ZFX: variants seen among roughly 807,000 people sequenced by gnomAD.
The protein encoded by ZFX is zinc finger X-chromosomal protein.
For synonymous variants in ZFX, 196 were observed against 226.8 expected (o/e 0.86, Z 1.22); for missense variants, 362 against 628.3 (o/e 0.58, Z 4.53).
chrX:24,175,734 A>G (rs768343386), intron 4 of ZFX, among the ~76,000 whole-genome samples: 17 of 111,126 alleles, frequency 1.5e-4, no homozygotes, highest in Admixed American at 1.9e-4. Flanking sequence ...GCAGACCACC[A>G]TGCCCGGCTA....
In ZFX at chrX:24,210,445, A is replaced by G; in HGVS notation, c.1487A>G (p.His496Arg). The G allele has an allele frequency of 8.3e-7, 1 of 1,212,042 alleles. No individual in the cohort carries two copies. Among genetic ancestry groups the G allele is most frequent in the Non-Finnish European group, 1.1e-6 (1 of 895,625 alleles). Residue 496 changes from histidine to arginine, a missense_variant, in exon 10 of 10, where the codon CAT becomes CGT. Transcript: ENST00000304543. ...ATTGAATGCGATGAGTGTGGGAAGCATTTCTCTCATGCAGGGGCTTTGTTT... is the reference window on the plus strand; with the variant it reads ...ATTGAATGCGATGAGTGTGGGAAGCGTTTCTCTCATGCAGGGGCTTTGTTT... ...KAIECDECGK[H>R]FSHAGALFTH...
At chrX:24,178,591 T>C (rs1318586502) in intron 4 of ZFX, among the ~76,000 whole-genome samples, 1 of 81,372 alleles carries the variant, frequency 1.2e-5, no homozygotes, top group East Asian at 4.9e-4. Context: ...GCCTGGCCTT[T>C]TTTTTTTTTT....
intron 5 of ZFX, among the ~76,000 whole-genome samples, chrX:24,184,379 C>T (rs1449839136): frequency 9.0e-6 from 1 of 111,581 alleles, no homozygotes; most frequent in African/African-American, 3.3e-5. Context: ...CTGTCTTCCT[C>T]AGCTTTTTTG....
intron 5 of ZFX, among the ~76,000 whole-genome samples, chrX:24,201,754 G>T (rs1278905935): frequency 8.9e-6 from 1 of 112,141 alleles, no homozygotes; most frequent in Non-Finnish European, 1.9e-5. Flanking sequence ...GTACATATCA[G>T]TCCAGAAGTA....
Position 24,213,063 on chromosome X carries a change from C to A in ZFX, c.*1687C>A, listed in dbSNP as rs5990038. 39,943 of 108,654 alleles carry A rather than the reference C, an allele frequency of 0.37. 5,594 individuals are homozygous for A. The highest frequency in any genetic ancestry group is 0.64 in the South Asian group (1,544 of 2,422). 9.0% of individuals were successfully genotyped at this position (108,654 alleles called of 1,213,427 possible). ...CTGGGATTACAGGCGCCCACCACCA[C>A]GCCCGGCTAATTTTTTGTATTTTTA... On this transcript the variant is annotated 3_prime_UTR_variant, in exon 10 of 10. Transcript: ENST00000304543.
chrX:24,158,357 AAAAC>A (rs1266173333), intron 3 of ZFX, among the ~76,000 whole-genome samples: 7 of 111,033 alleles, frequency 6.3e-5, no homozygotes, highest in Non-Finnish European at 1.3e-4. Context: ...ACAAACAAAC[AAAAC>A]AAACCAAAAA....
intron 5 of ZFX, among the ~76,000 whole-genome samples, chrX:24,201,610 A>C (rs1328060084): frequency 8.9e-6 from 1 of 112,492 alleles, no homozygotes; most frequent in Non-Finnish European, 1.9e-5. Flanking sequence ...AAGATGTTAC[A>C]GATTTCTGCC....
intron 3 of ZFX, among the ~76,000 whole-genome samples, chrX:24,167,893 C>T (rs938064146): frequency 3.6e-5 from 4 of 111,890 alleles, no homozygotes; most frequent in Middle Eastern, 4.2e-3. Flanking sequence ...TGAAAGGCCC[C>T]ACATGGTCTG....
At position 24,211,465 on chromosome X, in the gene ZFX, T is replaced by C. The variant is rs1601997671; in HGVS notation, c.*89T>C. On this transcript the variant is annotated 3_prime_UTR_variant, in exon 10 of 10. Coordinates refer to ENST00000304543, the MANE Select transcript of ZFX (RefSeq NM_003410.4). ...AATCAGTCTCATTCACATACAATAC[T>C]GTATATTGATTTATGCTGTGTACAA... 2 of 984,914 alleles carry C rather than the reference T, an allele frequency of 2.0e-6. No homozygotes were observed. Among genetic ancestry groups the C allele is most frequent in the African/African-American group, 3.9e-5 (2 of 51,440 alleles). The allele number at this position is 984,914 out of a possible 1,213,427, so 81.2% of individuals were successfully genotyped here.
chrX:24,156,607 C>T (rs988860019), intron 3 of ZFX, among the ~76,000 whole-genome samples: 2 of 108,204 alleles, frequency 1.8e-5, no homozygotes, highest in Non-Finnish European at 3.8e-5. Flanking sequence ...CTTTTGGTTT[C>T]ATTGGTCTGT....
At chrX:24,149,274 CCGGGGGGCGGCCGCGGCCCA>C (rs1482592610), upstream of ZFX, 102 of 109,929 alleles carry the variant, frequency 9.3e-4, no homozygotes, top group Middle Eastern at 4.7e-3. Context: ...AGGGAGGCCC[CCGGGGGGCGGCCGCGGCCCA>C]CGGGACATGG....
At chrX:24,203,619 G>A (rs1937450509) in intron 5 of ZFX, among the ~76,000 whole-genome samples, 1 of 112,576 alleles carries the variant, frequency 8.9e-6, no homozygotes, top group African/African-American at 3.2e-5. Context: ...CCTTCTGCCT[G>A]TGCATGAGGC....
intron 5 of ZFX, among the ~76,000 whole-genome samples, chrX:24,194,262 C>T (rs1339863833): frequency 9.0e-6 from 1 of 111,134 alleles, no homozygotes; most frequent in Non-Finnish European, 1.9e-5. Flanking sequence ...TTTGTTCTTC[C>T]TGGCTTACCC....
In ZFX at chrX:24,206,537, G is replaced by A. The variant is rs1264834315; in HGVS notation, c.647-789G>A. On this transcript the variant is annotated intron_variant, in intron 5 of 9. Coordinates refer to ENST00000304543, the MANE Select transcript of ZFX (RefSeq NM_003410.4). ...TGTGTGTGTGTGTGTGTGTGTGTGT[G>A]TGTGTGTGTGTGTATTTTTTTTTTT... 4.4e-4 allele frequency among the ~76,000 whole-genome samples: 40 copies of A among 89,933 alleles called. No homozygotes were observed. In the East Asian group the frequency reaches 0.018, roughly 40 times the overall value. The allele number at this position is 89,933 out of a possible 115,157, so 78.1% of individuals were successfully genotyped here.
rs955759861 is a variant in ZFX at position 24,215,846 on chromosome X, G to T, written c.*4470G>T. On this transcript the variant is annotated 3_prime_UTR_variant, in exon 10 of 10. Coordinates refer to ENST00000304543, the MANE Select transcript of ZFX (RefSeq NM_003410.4). Reference sequence around the variant, plus strand: ...TAAAAGAGAAGGGTTGAAAAAGATTGTGTGTGTGTGTGTGTGTGTTTAATT... The same window carrying T: ...TAAAAGAGAAGGGTTGAAAAAGATTTTGTGTGTGTGTGTGTGTGTTTAATT... 13 of 107,430 alleles carry T rather than the reference G, an allele frequency of 1.2e-4. No individual in the cohort carries two copies. Among genetic ancestry groups the T allele is most frequent in the African/African-American group, 1.4e-4 (4 of 28,872 alleles). 8.9% of individuals were successfully genotyped at this position (107,430 alleles called of 1,213,427 possible).
chrX:24,171,042 T>G (rs1934552742), intron 3 of ZFX, among the ~76,000 whole-genome samples: 1 of 112,339 alleles, frequency 8.9e-6, no homozygotes, highest in Non-Finnish European at 1.9e-5. Context: ...TCAATTAACA[T>G]TTAATGGATA....
At chrX:24,186,889 C>T (rs1228261151) in intron 5 of ZFX, among the ~76,000 whole-genome samples, 1 of 111,331 alleles carries the variant, frequency 9.0e-6, no homozygotes, top group African/African-American at 3.3e-5. Context: ...CCCATCACAC[C>T]GTATGTATAT....
At chrX:24,187,320 T>C (rs746560269) in intron 5 of ZFX, among the ~76,000 whole-genome samples, 165 of 111,823 alleles carry the variant, frequency 1.5e-3, no homozygotes, top group African/African-American at 4.8e-3. Context: ...TTTCTCTCTC[T>C]GTGTCTCTCT....
intron 3 of ZFX, among the ~76,000 whole-genome samples, chrX:24,154,048 A>G (rs1932531732): frequency 9.0e-6 from 1 of 111,590 alleles, no homozygotes; most frequent in African/African-American, 3.3e-5. Context: ...TCCAGACAAC[A>G]TTTTATAAAA....
Sources: allele counts gnomAD v4.1 joint callset (sites outside exome capture counted in the v4.1 genomes callset), GRCh38; gene constraint gnomAD v4.1.1; transcripts MANE v1.5; gene names NCBI Gene and HGNC (gene_info 2026-07-23, HGNC 2026-07-21).